The following GRIK2 variants were observed in gnomAD, a reference collection of about 807,000 sequenced individuals.
GRIK2 encodes glutamate receptor ionotropic, kainate 2.
GRIK2 carries 32 observed loss-of-function variants against 100.3 expected under a neutral mutation model. That is an observed-to-expected ratio of 0.32 (90% confidence interval 0.24 to 0.43). The LOEUF (loss-of-function observed/expected upper bound fraction) is 0.43, where lower values mean the gene tolerates loss of function less well. GRIK2 is among the 20% of genes least tolerant of loss of function. The pLI, the probability that GRIK2 is intolerant of heterozygous loss-of-function variation, is 1.00. For missense variants in GRIK2, 843 were observed against 1,114.9 expected, an observed-to-expected ratio of 0.76 and a Z score of 3.47; for synonymous variants, 417 against 389.4, an observed-to-expected ratio of 1.07 and a Z score of -0.83.
intron 2 of GRIK2, among the ~76,000 whole-genome samples, chr6:101,462,504 C>G (rs776114007): frequency 6.6e-6 from 1 of 151,818 alleles, no homozygotes; most frequent in Non-Finnish European, 1.5e-5. Flanking sequence ...TTGGGGGACA[C>G]AATTTCTCTG....
At chr6:101,662,078 A>G (rs765804742) in intron 4 of GRIK2, among the ~76,000 whole-genome samples, 10 of 152,208 alleles carry the variant, frequency 6.6e-5, no homozygotes, top group Non-Finnish European at 1.3e-4. Context: ...ATGTTCATAC[A>G]TTAAAGTAAA....
intron 2 of GRIK2, among the ~76,000 whole-genome samples, chr6:101,508,882 G>GT (rs554318673): frequency 6.5e-4 from 99 of 152,090 alleles, no homozygotes; most frequent in African/African-American, 2.0e-3. Context: ...TAGGCTGGGC[G>GT]TGGTGGCTCA....
intron 10 of GRIK2, among the ~76,000 whole-genome samples, chr6:101,850,188 G>A (rs907134895): frequency 2.6e-5 from 4 of 151,886 alleles, no homozygotes. Context: ...ATAAATACAG[G>A]ATAATATATA....
At chr6:101,965,131 C>T (rs1289762877) in intron 14 of GRIK2, among the ~76,000 whole-genome samples, 12 of 152,060 alleles carry the variant, frequency 7.9e-5, no homozygotes, top group Non-Finnish European at 2.9e-5. Context: ...CTATAAGAAA[C>T]TTAAACCTGT....
At chr6:101,559,420 A>G (rs184208105) in intron 2 of GRIK2, among the ~76,000 whole-genome samples, 1 of 152,224 alleles carries the variant, frequency 6.6e-6, no homozygotes, top group East Asian at 1.9e-4. Flanking sequence ...TTCCTACTCT[A>G]TATGCCTTCA....
chr6:101,484,394 C>T (rs80145876), intron 2 of GRIK2, among the ~76,000 whole-genome samples: 5,913 of 152,252 alleles, frequency 0.039, 136 homozygotes, highest in Admixed American at 0.07. Context: ...ACTACTTTAG[C>T]ATATTATCCT....
intron 14 of GRIK2, among the ~76,000 whole-genome samples, chr6:102,025,724 CTT>C (rs1562120462): frequency 1.3e-5 from 2 of 151,172 alleles, no homozygotes; most frequent in Non-Finnish European, 3.0e-5. Context: ...CATTATAAGA[CTT>C]TAAGCTTTGC....
At chr6:101,953,078 T>C (rs1217439313) in intron 14 of GRIK2, among the ~76,000 whole-genome samples, 1 of 152,206 alleles carries the variant, frequency 6.6e-6, no homozygotes, top group Admixed American at 6.5e-5. Flanking sequence ...AACTTTCATC[T>C]GTGTTTCAGT....
At chr6:101,788,787 C>T (rs1016387812) in intron 7 of GRIK2, among the ~76,000 whole-genome samples, 4 of 152,180 alleles carry the variant, frequency 2.6e-5, no homozygotes, top group African/African-American at 9.7e-5. Flanking sequence ...AATCGCCACA[C>T]TGACTTCCAC....
rs182827144 is a variant in GRIK2, at chr6:101,524,761, C to T, written c.116-97188C>T. On this transcript the variant is annotated intron_variant, in intron 2 of 16. Transcript: ENST00000369134. Reference sequence around the variant, plus strand: ...TTCTTTTTTCTTTGAGGTGGAGTTTCGCTCTTGTTGCCCAGGCTGGAGTGC... The same window carrying T: ...TTCTTTTTTCTTTGAGGTGGAGTTTTGCTCTTGTTGCCCAGGCTGGAGTGC... Among the ~76,000 whole-genome samples, 302 of 140,588 alleles carry T rather than the reference C, an allele frequency of 2.1e-3. 2 individuals are homozygous for T. Among genetic ancestry groups the T allele is most frequent in the African/African-American group, 7.7e-3 (294 of 38,138 alleles). The allele number at this position is 140,588 out of a possible 152,430, so 92.2% of individuals were successfully genotyped here. A position where few individuals can be genotyped will look rare whatever the true frequency, so the allele number is the denominator to read the frequency against.
At chr6:101,978,484 T>G (rs577129305) in intron 14 of GRIK2, among the ~76,000 whole-genome samples, 1 of 151,992 alleles carries the variant, frequency 6.6e-6, no homozygotes. Flanking sequence ...GATTGGCAGC[T>G]GTTTGGTACT....
intron 7 of GRIK2, among the ~76,000 whole-genome samples, chr6:101,713,703 CTT>C (rs1159329297): frequency 1.3e-5 from 2 of 151,682 alleles, no homozygotes; most frequent in Non-Finnish European, 1.5e-5. Context: ...GTAATCAGGA[CTT>C]TTAAACATTT....
intron 4 of GRIK2, among the ~76,000 whole-genome samples, chr6:101,637,150 C>T (rs558303579): frequency 2.6e-5 from 4 of 152,044 alleles, no homozygotes; most frequent in African/African-American, 9.6e-5. Context: ...AGATTTTATT[C>T]CCAGTCTTGT....
intron 12 of GRIK2, among the ~76,000 whole-genome samples, chr6:101,912,663 A>G (rs1350400840): frequency 6.6e-6 from 1 of 151,476 alleles, no homozygotes; most frequent in Admixed American, 6.6e-5. Context: ...ACGCCACCTC[A>G]TCTAGTTTCA....
chr6:101,686,110 C>T, intron 6 of GRIK2, 70 bp from the exon 7 acceptor site: 1 of 1,296,642 alleles, frequency 7.7e-7, no homozygotes, highest in South Asian at 1.4e-5. Context: ...AAAAAAGTGA[C>T]TATTTCAGTA....
At chr6:101,783,492 T>C (rs1181005012) in intron 7 of GRIK2, among the ~76,000 whole-genome samples, 1 of 152,054 alleles carries the variant, frequency 6.6e-6, no homozygotes, top group East Asian at 1.9e-4. Context: ...GTGTGAAAAA[T>C]GGACTAATAA....
At chr6:101,575,739 A>G (rs1300505814) in intron 2 of GRIK2, among the ~76,000 whole-genome samples, 1 of 152,090 alleles carries the variant, frequency 6.6e-6, no homozygotes, top group South Asian at 2.1e-4. Context: ...ACCGTAAACC[A>G]TAAGATTAAT....
chr6:102,045,017 T>A (rs903856473), intron 15 of GRIK2, among the ~76,000 whole-genome samples: 8 of 152,082 alleles, frequency 5.3e-5, no homozygotes, highest in African/African-American at 1.9e-4. Flanking sequence ...TCCATTAAGA[T>A]GATAATATGA....
intron 2 of GRIK2, among the ~76,000 whole-genome samples, chr6:101,609,744 A>G (rs528075971): frequency 3.9e-4 from 60 of 151,964 alleles, no homozygotes; most frequent in African/African-American, 1.3e-3. Context: ...AAGTCAAAGA[A>G]GAGTAAGCCA....
Sources: allele counts gnomAD v4.1 joint callset (sites outside exome capture counted in the v4.1 genomes callset), GRCh38; gene constraint gnomAD v4.1.1; transcripts MANE v1.5; gene names NCBI Gene and HGNC (gene_info 2026-07-23, HGNC 2026-07-21).